ATL2: variants seen among roughly 807,000 people sequenced by gnomAD.
ATL2 encodes atlastin-2.
ATL2 carries 31 observed loss-of-function variants against 73.9 expected under a neutral mutation model. The observed-to-expected ratio is 0.42, with a 90% confidence interval of 0.32 to 0.57. The LOEUF (loss-of-function observed/expected upper bound fraction) is 0.57, where lower values mean the gene tolerates loss of function less well. ATL2 is among the 20% of genes least tolerant of loss of function. The probability of loss-of-function intolerance (pLI) is 0.14; values close to 1 mark genes in which losing one functional copy is unlikely to be tolerated. For missense variants in ATL2, 738 were observed against 702.6 expected (o/e 1.05, Z -0.57); for synonymous variants, 291 against 237.5 (o/e 1.23, Z -2.07).
intron 1 of ATL2, among the ~76,000 whole-genome samples, chr2:38,363,229 T>C (rs1448673296): frequency 6.6e-6 from 1 of 152,166 alleles, no homozygotes; most frequent in Non-Finnish European, 1.5e-5. Flanking sequence ...TGCATCATCC[T>C]CCAACTAAGC....
chr2:38,297,437 C>G (rs893070670), intron 12 of ATL2, among the ~76,000 whole-genome samples: 1 of 152,110 alleles, frequency 6.6e-6, no homozygotes, highest in African/African-American at 2.4e-5. Flanking sequence ...CATCCATAAG[C>G]GGTCCACAGG....
At chr2:38,302,164 G>A (rs1012603902) in intron 9 of ATL2, among the ~76,000 whole-genome samples, 4 of 152,158 alleles carry the variant, frequency 2.6e-5, no homozygotes, top group Non-Finnish European at 4.4e-5. Flanking sequence ...GAGCCTCTGG[G>A]CTCTGAATAA....
At chr2:38,335,595 G>GT (rs1009493163) in intron 2 of ATL2, among the ~76,000 whole-genome samples, 3 of 152,164 alleles carry the variant, frequency 2.0e-5, no homozygotes, top group African/African-American at 7.2e-5. Flanking sequence ...GGAGATAGCA[G>GT]TAACTGGGAA....
chr2:38,371,446 C>T (rs918725261), intron 1 of ATL2, among the ~76,000 whole-genome samples: 15 of 151,398 alleles, frequency 9.9e-5, no homozygotes, highest in African/African-American at 3.2e-4. Flanking sequence ...AGGTCAAAAC[C>T]GCGGTGATCA....
In ATL2 at chr2:38,346,619, A is replaced by C. The variant is rs1573540412; in HGVS notation, c.119-3107T>G. Among the ~76,000 whole-genome samples the C allele has an allele frequency of 2.6e-5, 4 of 152,282 alleles. No homozygotes were observed. The South Asian group carries it at 8.3e-4, about 32-fold the overall frequency. Reference sequence around the variant, plus strand: ...ATCAGGCATTAGTTAGATTCTCATAAGGAGCACACAACCCAGATCCCTCAC... The same window carrying C: ...ATCAGGCATTAGTTAGATTCTCATACGGAGCACACAACCCAGATCCCTCAC... On this transcript the variant is annotated intron_variant, in intron 1 of 12. Transcript: ENST00000378954.
chr2:38,368,660 C>T (rs571654810), intron 1 of ATL2, among the ~76,000 whole-genome samples: 75 of 152,232 alleles, frequency 4.9e-4, no homozygotes, highest in African/African-American at 1.8e-3. Context: ...AAGAAACCAA[C>T]ACACACAATT....
chr2:38,312,309 A>G (rs1667796709), intron 7 of ATL2, among the ~76,000 whole-genome samples: 1 of 152,108 alleles, frequency 6.6e-6, no homozygotes, highest in Non-Finnish European at 1.5e-5. Context: ...GGGAGCAGAA[A>G]TCCCCCTTGC....
Position 38,296,076 on chromosome 2 carries a change from T to C in ATL2, c.1670A>G (p.Asn557Ser), listed in dbSNP as rs1262395188. The C allele has an allele frequency of 2.4e-5, 37 of 1,551,480 alleles. No individual in the cohort carries two copies. The highest frequency in any genetic ancestry group is 1.6e-4 in the African/African-American group (12 of 73,142). The change falls in exon 13 of 13, where the codon AAC becomes AGC. Residue 557 changes from asparagine (N) to serine (S), a missense_variant. Asn to Ser is a conservative substitution (Grantham distance 46). Coordinates refer to ENST00000378954, the MANE Select transcript of ATL2 (RefSeq NM_001135673.4). ...KPLGDNLMEE[N>S]IRQSVTNSIK... ...AGAGTTTGTTACAGACTGCCTTATG[T>C]TTTCCTCCATCAAATTATCACCCAG...
intron 7 of ATL2, among the ~76,000 whole-genome samples, chr2:38,312,520 C>T (rs933585846): frequency 1.3e-5 from 2 of 152,006 alleles, no homozygotes; most frequent in African/African-American, 2.4e-5. Flanking sequence ...ACCAGCCTGG[C>T]CAACATGGTG....
At chr2:38,344,720 T>C (rs1268742581) in intron 1 of ATL2, among the ~76,000 whole-genome samples, 2 of 152,190 alleles carry the variant, frequency 1.3e-5, no homozygotes, top group Non-Finnish European at 2.9e-5. Context: ...GAGTCCCTAA[T>C]TTAATAACAG....
chr2:38,376,296 A>G, intron 1 of ATL2: 1 of 1,331,670 alleles, frequency 7.5e-7, no homozygotes, highest in Non-Finnish European at 9.8e-7. Flanking sequence ...CTGCCAACGC[A>G]ACTGCGTCTT....
intron 7 of ATL2, 54 bp from the exon 8 acceptor site, chr2:38,310,501 T>G: frequency 6.6e-7 from 1 of 1,507,282 alleles, no homozygotes; most frequent in Non-Finnish European, 9.0e-7. Context: ...AAAATTTTTT[T>G]AAAGAAAATG....
intron 2 of ATL2, among the ~76,000 whole-genome samples, chr2:38,323,617 C>A (rs886293380): frequency 2.4e-4 from 36 of 152,068 alleles, no homozygotes; most frequent in African/African-American, 8.0e-4. Context: ...CAGTAAGAAA[C>A]AAATTCATAT....
chr2:38,298,973 C>T (rs1213275204), intron 11 of ATL2, among the ~76,000 whole-genome samples: 1 of 152,138 alleles, frequency 6.6e-6, no homozygotes, highest in African/African-American at 2.4e-5. Context: ...CTAATGCTAC[C>T]AACATCAGAA....
At chr2:38,373,229 ACAAT>A (rs1671782658) in intron 1 of ATL2, among the ~76,000 whole-genome samples, 1 of 152,150 alleles carries the variant, frequency 6.6e-6, no homozygotes, top group East Asian at 1.9e-4. Flanking sequence ...CATTGCCGCC[ACAAT>A]CAGAGCATCT....
intron 1 of ATL2, among the ~76,000 whole-genome samples, chr2:38,359,866 G>A (rs1382521252): frequency 6.6e-6 from 1 of 151,980 alleles, no homozygotes; most frequent in African/African-American, 2.4e-5. Flanking sequence ...GGTGGCTCAC[G>A]CCTGTAATCC....
chr2:38,336,472 G>T (rs1447695344), intron 2 of ATL2, among the ~76,000 whole-genome samples: 1 of 152,266 alleles, frequency 6.6e-6, no homozygotes. Context: ...CCAGTGCATA[G>T]CAAGAAAAGT....
chr2:38,298,240 C>A lies in ATL2; in HGVS notation c.1536G>T (p.Leu512=). The change falls in exon 12 of 13, where the codon CTG becomes CTT. Residue 512 remains leucine, a synonymous_variant. Coordinates refer to ENST00000378954, the MANE Select transcript of ATL2 (RefSeq NM_001135673.4). The part of the protein sequence containing the change: ...VLCNLVMGLA[L]IFLCTWAYVK... ...CATATGCCCAAGTACAAAGAAATAT[C>A]AGTGCTAACCCCATGACAAGGTTAC... The A allele has an allele frequency of 6.2e-7, 1 of 1,614,098 alleles. No individual in the cohort carries two copies. The highest frequency in any genetic ancestry group is 8.5e-7 in the Non-Finnish European group (1 of 1,179,962).
chr2:38,346,433 C>T (rs1399746561), intron 1 of ATL2, among the ~76,000 whole-genome samples: 2 of 152,022 alleles, frequency 1.3e-5, no homozygotes, highest in Non-Finnish European at 2.9e-5. Flanking sequence ...CTATAAGGTC[C>T]CGTACTCACC....
Sources: allele counts gnomAD v4.1 joint callset (sites outside exome capture counted in the v4.1 genomes callset), GRCh38; gene constraint gnomAD v4.1.1; transcripts MANE v1.5; gene names NCBI Gene and HGNC (gene_info 2026-07-23, HGNC 2026-07-21).